Variants in RFX3 observed in about 807,000 individuals in gnomAD.
RFX3 encodes regulatory factor X3.
Under a neutral mutation model 98.6 loss-of-function variants are expected in RFX3, and 14 were observed. The ratio of observed to expected loss-of-function variants is 0.14; its 90% confidence interval spans 0.09 to 0.22. The LOEUF is 0.22. RFX3 is among the 10% of genes least tolerant of loss of function. The pLI, the probability that RFX3 is intolerant of heterozygous loss-of-function variation, is 1.00. For missense variants in RFX3, 639 were observed against 926.9 expected, an observed-to-expected ratio of 0.69 and a Z score of 4.03; for synonymous variants, 383 against 328.4, an observed-to-expected ratio of 1.17 and a Z score of -1.80.
intron 7 of RFX3, 56 bp from the exon 8 acceptor site, chr9:3,277,517 T>C: frequency 6.7e-7 from 1 of 1,495,728 alleles, no homozygotes; most frequent in East Asian, 2.3e-5. Flanking sequence ...TGCTTTTTTG[T>C]ACTACCCGAA....
chr9:3,335,566 A>G (rs1833077089), intron 3 of RFX3, among the ~76,000 whole-genome samples: 1 of 152,214 alleles, frequency 6.6e-6, no homozygotes, highest in Non-Finnish European at 1.5e-5. Flanking sequence ...CCTGAAATAG[A>G]TAAATCCCCA....
intron 1 of RFX3, among the ~76,000 whole-genome samples, chr9:3,471,525 C>T (rs1300406083): frequency 1.3e-5 from 2 of 152,206 alleles, no homozygotes; most frequent in African/African-American, 4.8e-5. Context: ...ACTTGTCTCT[C>T]TAAGTGTGAA....
intron 1 of RFX3, among the ~76,000 whole-genome samples, chr9:3,513,858 T>C (rs1817881600): frequency 6.6e-6 from 1 of 152,202 alleles, no homozygotes; most frequent in Non-Finnish European, 1.5e-5. Flanking sequence ...CATATGGCAC[T>C]CAAATCTTTG....
chr9:3,346,940 A>T (rs1218319151), intron 2 of RFX3, among the ~76,000 whole-genome samples, 176 bp from the exon 3 acceptor site: 1 of 152,228 alleles, frequency 6.6e-6, no homozygotes. Flanking sequence ...ATTCCAGAGC[A>T]ACTGCAACAT....
chr9:3,313,832 A>G (rs1830252032), intron 4 of RFX3, among the ~76,000 whole-genome samples: 1 of 152,220 alleles, frequency 6.6e-6, no homozygotes, highest in South Asian at 2.1e-4. Flanking sequence ...AAAACAGAGT[A>G]AAAAGAAACG....
intron 1 of RFX3, among the ~76,000 whole-genome samples, chr9:3,470,490 T>C (rs1848681619): frequency 7.1e-6 from 1 of 140,348 alleles, no homozygotes; most frequent in South Asian, 2.2e-4. Flanking sequence ...AATTTTTTCT[T>C]TTTTTCTTTT....
chr9:3,377,157 C>T (rs1340673233), intron 2 of RFX3, among the ~76,000 whole-genome samples: 2 of 152,170 alleles, frequency 1.3e-5, no homozygotes, highest in African/African-American at 4.8e-5. Flanking sequence ...ATGTTTATTG[C>T]AGCACTATTC....
chr9:3,346,816 T>C (rs1383713111), intron 2 of RFX3, 52 bp from the exon 3 acceptor site: 2 of 1,058,102 alleles, frequency 1.9e-6, no homozygotes. Flanking sequence ...ATAGGAAGAA[T>C]ACAGAGCATT....
intron 2 of RFX3, among the ~76,000 whole-genome samples, chr9:3,352,137 A>G (rs1248619805): frequency 6.6e-6 from 1 of 152,058 alleles, no homozygotes; most frequent in Non-Finnish European, 1.5e-5. Context: ...AATACATATT[A>G]CTAAGTTTAA....
chr9:3,415,561 G>A (rs1032151846), intron 1 of RFX3, among the ~76,000 whole-genome samples: 5 of 152,134 alleles, frequency 3.3e-5, no homozygotes. Flanking sequence ...CCCAAGAAGA[G>A]GAAAGCATTA....
intron 14 of RFX3, among the ~76,000 whole-genome samples, chr9:3,253,668 T>G (rs1821729183): frequency 1.3e-5 from 2 of 152,164 alleles, no homozygotes; most frequent in South Asian, 4.1e-4. Flanking sequence ...GCTATTATGA[T>G]TCTCGGCAAG....
chr9:3,444,366 AATAC>A (rs1236863416), intron 1 of RFX3, among the ~76,000 whole-genome samples: 2 of 152,140 alleles, frequency 1.3e-5, no homozygotes, highest in Non-Finnish European at 2.9e-5. Flanking sequence ...AATGTAAACT[AATAC>A]ATAGTGACAG....
At chr9:3,427,256 A>G (rs1759181496) in intron 1 of RFX3, among the ~76,000 whole-genome samples, 1 of 144,212 alleles carries the variant, frequency 6.9e-6, no homozygotes, top group South Asian at 2.1e-4. Context: ...ATATATATAT[A>G]ATACTATATA....
rs184679807 is a variant in RFX3 at position 3,366,557 on chromosome 9, T to C, written c.118-19793A>G. On this transcript the variant is annotated intron_variant, in intron 2 of 16. Coordinates refer to ENST00000617270, the MANE Select transcript of RFX3 (RefSeq NM_001282116.2). ...ATCACTCAGTTTTGATTACCATAAC[T>C]GTATAGTATCTTCTGAGATTAAATA... Among the ~76,000 whole-genome samples, 16 of 152,336 alleles carry C rather than the reference T, an allele frequency of 1.1e-4. No homozygotes were observed. In the East Asian group the frequency reaches 2.3e-3, roughly 22 times the overall value.
chr9:3,263,800 C>T (rs1823235687), intron 12 of RFX3, among the ~76,000 whole-genome samples: 1 of 152,184 alleles, frequency 6.6e-6, no homozygotes, highest in African/African-American at 2.4e-5. Flanking sequence ...CTCTTGTTCT[C>T]TGGCTTCCAC....
intron 4 of RFX3, among the ~76,000 whole-genome samples, chr9:3,315,569 A>T (rs1165912709): frequency 6.6e-6 from 1 of 152,190 alleles, no homozygotes; most frequent in African/African-American, 2.4e-5. Context: ...CCCTTCAAAA[A>T]ATCAATGAAT....
rs543996649 is a variant in RFX3, at chr9:3,518,489, T to C, written c.-9+7258A>G. On this transcript the variant is annotated intron_variant, in intron 1 of 16. Coordinates refer to ENST00000617270, the MANE Select transcript of RFX3 (RefSeq NM_001282116.2). ...GTGACACAGACAAACATCTGTACAATATACAATGCTTTGGCAAAAAAGAAA... is the reference window on the plus strand; with the variant it reads ...GTGACACAGACAAACATCTGTACAACATACAATGCTTTGGCAAAAAAGAAA... Among the ~76,000 whole-genome samples the C allele has an allele frequency of 3.9e-5, 6 of 152,236 alleles. No individual in the cohort carries two copies. In the East Asian group the frequency reaches 9.7e-4, roughly 25 times the overall value.
rs1465169508 is a variant in RFX3, at chr9:3,288,223, C to T, written c.759G>A (p.Gly253=). The stretch of plus-strand genomic sequence containing the variant: ...GAGGGGAATCTGGCTTGACACGAAT[C>T]CCATAGTAGTGGTATTTGGAGTTTC... ...TRGNSKYHYY[G]IRVKPDSPLN... is the part of the protein sequence containing the mutation. The change falls in exon 7 of 17, where the codon GGG becomes GGA. Residue 253 remains glycine, a synonymous_variant. Transcript: ENST00000617270. 4 of 1,612,166 alleles carry T rather than the reference C, an allele frequency of 2.5e-6. No homozygotes were observed. The highest frequency in any genetic ancestry group is 2.2e-5 in the East Asian group (1 of 44,778).
chr9:3,478,965 G>T (rs1420482175), intron 1 of RFX3, among the ~76,000 whole-genome samples: 1 of 152,124 alleles, frequency 6.6e-6, no homozygotes, highest in Admixed American at 6.6e-5. Context: ...CACTCTCTCT[G>T]AAAAGAGTTT....
Sources: gnomAD v4.1 joint callset for allele counts (sites outside exome capture counted in the v4.1 genomes callset) on GRCh38, gnomAD v4.1.1 for gene constraint, MANE v1.5 for transcripts, NCBI Gene and HGNC (gene_info 2026-07-23, HGNC 2026-07-21) for gene names.